RBFOX3: variants seen among roughly 807,000 people sequenced by gnomAD.
RBFOX3 encodes RNA binding protein fox-1 homolog 3.
In RBFOX3, 17 loss-of-function variants were observed where a neutral mutation model predicts 48.7. The observed-to-expected ratio is 0.35, with a 90% CI of 0.24 to 0.52. The LOEUF is 0.52. Ranked by LOEUF, RBFOX3 falls within the 20% of genes least tolerant of loss-of-function variation. The pLI is 0.94. For synonymous variants in RBFOX3, 212 were observed against 209.5 expected, an observed-to-expected ratio of 1.01 and a Z score of -0.10; for missense variants, 382 against 497.5, an observed-to-expected ratio of 0.77 and a Z score of 2.21.
At chr17:79,631,734 G>A in the RBFOX3 span, among the ~76,000 whole-genome samples, 1 of 152,164 alleles carries the variant, frequency 6.6e-6, no homozygotes, top group South Asian at 2.1e-4. Context: ...TAGAGCGGGG[G>A]CCAGAAGATG....
At position 79,178,205 on chromosome 17, in the gene RBFOX3, CCA is replaced by C. The variant is rs1275349485; in HGVS notation, c.-34+57559_-34+57560del. On this transcript the variant is annotated intron_variant, in intron 4 of 14. Coordinates refer to ENST00000693108, the MANE Select transcript of RBFOX3 (RefSeq NM_001350451.2). ...CCCTGCTCAGAGAAACTCACTCACCCCACGGAACAAGACACCATGTGGAGGTT... is the reference window on the plus strand; with the variant it reads ...CCCTGCTCAGAGAAACTCACTCACCCCGGAACAAGACACCATGTGGAGGTT... Among the ~76,000 whole-genome samples, 4 of 152,222 alleles carry C rather than the reference CCA, an allele frequency of 2.6e-5. No homozygotes were observed. The South Asian group carries it at 6.2e-4, about 24-fold the overall frequency.
the RBFOX3 span, among the ~76,000 whole-genome samples, chr17:79,660,390 A>C: frequency 1.3e-5 from 2 of 152,224 alleles, no homozygotes; most frequent in Non-Finnish European, 2.9e-5. Context: ...AAAATTTGCT[A>C]TCTATCCATC....
At chr17:79,599,756 T>C (rs982886822) in intron 1 of RBFOX3, 1 of 152,206 alleles carries the variant, frequency 6.6e-6, no homozygotes, top group African/African-American at 2.4e-5. Context: ...GCACACATAA[T>C]TGTAGTATCC....
chr17:79,432,380 C>T (rs1219571479), intron 2 of RBFOX3, among the ~76,000 whole-genome samples: 1 of 152,210 alleles, frequency 6.6e-6, no homozygotes, highest in Non-Finnish European at 1.5e-5. Context: ...CATGGAGCTT[C>T]ACCTCTTGGG....
chr17:79,611,784 G>A (rs1173393040), upstream of RBFOX3, among the ~76,000 whole-genome samples: 1 of 152,186 alleles, frequency 6.6e-6, no homozygotes, highest in Non-Finnish European at 1.5e-5. Context: ...GGAAAGGAAG[G>A]GATCGGGCCC....
chr17:79,652,862 C>T, the RBFOX3 span, among the ~76,000 whole-genome samples: 1 of 151,924 alleles, frequency 6.6e-6, no homozygotes, highest in African/African-American at 2.4e-5. Flanking sequence ...AGGTTTAAGA[C>T]CATTCCAAGT....
intron 1 of RBFOX3, among the ~76,000 whole-genome samples, chr17:79,554,470 G>A (rs1449663791): frequency 2.1e-5 from 3 of 144,164 alleles, no homozygotes; most frequent in Admixed American, 6.9e-5. Flanking sequence ...CCCTCACCTG[G>A]CCCTCTCCAT....
intron 4 of RBFOX3, among the ~76,000 whole-genome samples, chr17:79,127,488 C>A (rs527623268): frequency 6.6e-6 from 1 of 152,168 alleles, no homozygotes; most frequent in Non-Finnish European, 1.5e-5. Context: ...GCAGGTGATG[C>A]TCCTATTTTC....
rs529017091 is a variant in RBFOX3, at chr17:79,283,737, T to G, written c.-74+23987A>C. On this transcript the variant is annotated intron_variant, in intron 3 of 14. Coordinates refer to ENST00000693108, the MANE Select transcript of RBFOX3 (RefSeq NM_001350451.2). ...GATGTCAGACCCGAGTCCTTGCCCATCATGCAGAGCGGTTAGTGGCTGTGG... is the reference window on the plus strand; with the variant it reads ...GATGTCAGACCCGAGTCCTTGCCCAGCATGCAGAGCGGTTAGTGGCTGTGG... 2.0e-5 allele frequency among the ~76,000 whole-genome samples: 3 copies of G among 152,360 alleles called. No individual in the cohort carries two copies. The South Asian group carries it at 6.2e-4, about 32-fold the overall frequency.
At chr17:79,167,331 T>TC (rs1256609387) in intron 4 of RBFOX3, among the ~76,000 whole-genome samples, 1 of 151,892 alleles carries the variant, frequency 6.6e-6, no homozygotes, top group African/African-American at 2.4e-5. Flanking sequence ...CTTCTTCCCC[T>TC]CCCTCTGGGG....
intron 2 of RBFOX3, among the ~76,000 whole-genome samples, chr17:79,427,425 G>T (rs782335281): frequency 2.2e-4 from 33 of 152,232 alleles, no homozygotes; most frequent in Middle Eastern, 3.2e-3. Context: ...GGCCTTCCCG[G>T]GCTGTGCCTG....
At chr17:79,314,033 G>A (rs1416254732) in intron 2 of RBFOX3, among the ~76,000 whole-genome samples, 2 of 152,190 alleles carry the variant, frequency 1.3e-5, no homozygotes, top group African/African-American at 2.4e-5. Flanking sequence ...AGAGGGCAGC[G>A]AGTGGTCACA....
intron 2 of RBFOX3, among the ~76,000 whole-genome samples, chr17:79,440,403 G>A (rs1346929359): frequency 6.6e-6 from 1 of 152,104 alleles, no homozygotes; most frequent in Non-Finnish European, 1.5e-5. Flanking sequence ...CCAGGGGCCC[G>A]AGTGACTTGC....
At chr17:79,143,380 TG>T (rs201977497) in intron 4 of RBFOX3, among the ~76,000 whole-genome samples, 1,459 of 23,296 alleles carry the variant, frequency 0.063, 55 homozygotes, top group African/African-American at 0.18. Context: ...GAGCGGGGGG[TG>T]GGGGGGGGTT....
At chr17:79,207,277 C>T (rs961620629) in intron 4 of RBFOX3, among the ~76,000 whole-genome samples, 6 of 152,238 alleles carry the variant, frequency 3.9e-5, no homozygotes, top group African/African-American at 1.4e-4. Context: ...AGGAATGAAA[C>T]GCTCCTTTCC....
intron 2 of RBFOX3, among the ~76,000 whole-genome samples, chr17:79,383,183 A>G (rs2060152159): frequency 6.6e-6 from 1 of 152,202 alleles, no homozygotes; most frequent in African/African-American, 2.4e-5. Flanking sequence ...GGGTGTATCC[A>G]TAGACCAGGG....
chr17:79,437,850 A>T (rs1404323814), intron 2 of RBFOX3, among the ~76,000 whole-genome samples: 1 of 152,230 alleles, frequency 6.6e-6, no homozygotes, highest in Non-Finnish European at 1.5e-5. Context: ...CTAGTGCCTG[A>T]CATACATGCC....
At chr17:79,619,310 C>T in the RBFOX3 span, among the ~76,000 whole-genome samples, 3 of 152,206 alleles carry the variant, frequency 2.0e-5, no homozygotes, top group African/African-American at 7.2e-5. Context: ...GAAACTTATT[C>T]TCTCACAGTT....
At chr17:79,631,934 C>G in the RBFOX3 span, among the ~76,000 whole-genome samples, 1 of 152,314 alleles carries the variant, frequency 6.6e-6, no homozygotes, top group East Asian at 1.9e-4. Context: ...TCCCTGCCCC[C>G]AGAGAATGAA....
Sources: gnomAD v4.1 joint callset for allele counts (sites outside exome capture counted in the v4.1 genomes callset) on GRCh38, gnomAD v4.1.1 for gene constraint, MANE v1.5 for transcripts, NCBI Gene and HGNC (gene_info 2026-07-23, HGNC 2026-07-21) for gene names.